C4orf51: variants seen among roughly 807,000 people sequenced by gnomAD.
The protein encoded by C4orf51 is uncharacterized protein C4orf51.
C4orf51 carries 25 observed loss-of-function variants against 25.2 expected under a neutral mutation model. The ratio of observed to expected loss-of-function variants is 0.99; its 90% CI spans 0.72 to 1.39. The LOEUF (loss-of-function observed/expected upper bound fraction) is 1.39, where lower values mean the gene tolerates loss of function less well. C4orf51 is among the 40% of genes most tolerant of loss of function. The pLI, the probability that C4orf51 is intolerant of heterozygous loss-of-function variation, is 0.00. For missense variants in C4orf51, 252 were observed against 239.6 expected (o/e 1.05, Z -0.34); for synonymous variants, 100 against 84.5 (o/e 1.18, Z -1.01).
At chr4:145,696,942 CAGG>C (rs1402172989) in intron 2 of C4orf51, among the ~76,000 whole-genome samples, 3 of 151,770 alleles carry the variant, frequency 2.0e-5, no homozygotes, top group Non-Finnish European at 1.5e-5. Flanking sequence ...AAGGATGAGG[CAGG>C]AGAATTGCTT....
chr4:145,732,433 A>G lies in C4orf51; in HGVS notation c.502-20A>G. Reference sequence around the variant, plus strand: ...CTTTGCGGATGAGCGAGTGTTGACAACCAGGCCATTTTTCTCCAGCTTCAT... The same window carrying G: ...CTTTGCGGATGAGCGAGTGTTGACAGCCAGGCCATTTTTCTCCAGCTTCAT... On this transcript the variant is annotated intron_variant, in intron 5 of 5. Coordinates refer to ENST00000438731, the MANE Select transcript of C4orf51 (RefSeq NM_001080531.3). 2 of 1,558,566 alleles carry G rather than the reference A, an allele frequency of 1.3e-6. No homozygotes were observed. The highest frequency in any genetic ancestry group is 1.8e-6 in the Non-Finnish European group (2 of 1,134,234).
chr4:145,735,284 C>T (rs576106076), downstream of C4orf51, among the ~76,000 whole-genome samples: 130 of 152,222 alleles, frequency 8.5e-4, no homozygotes, highest in Non-Finnish European at 8.1e-4. Context: ...CCATTCCTCA[C>T]GCAATCTGGA....
chr4:145,688,900 AAAC>A (rs923853447), intron 1 of C4orf51, among the ~76,000 whole-genome samples: 102 of 152,036 alleles, frequency 6.7e-4, no homozygotes, highest in Non-Finnish European at 1.3e-3. Context: ...ACAAACAAAC[AAAC>A]AACAACAACA....
At chr4:145,711,005 G>A (rs553910410) in intron 2 of C4orf51, among the ~76,000 whole-genome samples, 14 of 152,188 alleles carry the variant, frequency 9.2e-5, no homozygotes, top group South Asian at 4.1e-4. Flanking sequence ...TCTTTCCCCC[G>A]AATTTATAAG....
intron 2 of C4orf51, among the ~76,000 whole-genome samples, chr4:145,726,563 G>A (rs1424983319): frequency 6.6e-6 from 1 of 152,012 alleles, no homozygotes; most frequent in Non-Finnish European, 1.5e-5. Flanking sequence ...ATCACACCCA[G>A]CTAATTTTTA....
chr4:145,722,743 G>A (rs1378169613), intron 2 of C4orf51, among the ~76,000 whole-genome samples: 1 of 152,174 alleles, frequency 6.6e-6, no homozygotes, highest in Non-Finnish European at 1.5e-5. Flanking sequence ...TGGGGAGCAA[G>A]CAATGCTTCA....
intron 5 of C4orf51, among the ~76,000 whole-genome samples, chr4:145,731,284 T>C (rs909020178): frequency 6.6e-6 from 1 of 152,202 alleles, no homozygotes; most frequent in African/African-American, 2.4e-5. Flanking sequence ...GCAGCTGTTC[T>C]GGGGAACAGC....
At chr4:145,758,130 G>A (rs1212594624), downstream of C4orf51, 3 of 152,046 alleles carry the variant, frequency 2.0e-5, no homozygotes, top group Admixed American at 2.0e-4. Flanking sequence ...AATATAAAAA[G>A]TCAAACAAAC....
chr4:145,700,585 A>G (rs1234532407), intron 2 of C4orf51, among the ~76,000 whole-genome samples: 1 of 152,134 alleles, frequency 6.6e-6, no homozygotes, highest in Non-Finnish European at 1.5e-5. Context: ...AGATCTGAAT[A>G]ATTCTTGTCG....
In C4orf51 at chr4:145,746,166, G is replaced by A. The variant is rs113537058; in HGVS notation, n.168-8041G>A. Among the ~76,000 whole-genome samples, 240 of 139,732 alleles carry A rather than the reference G, an allele frequency of 1.7e-3. 1 individual carries two copies. The highest frequency in any genetic ancestry group is 5.7e-3 in the African/African-American group (227 of 39,846). The allele number at this position is 139,732 out of a possible 152,430, so 91.7% of individuals were successfully genotyped here. ...TTGCAAATGTTTTCTCCCATTCTGT[G>A]GGTTATCTCTTCACTTTGTTTGTTT... On this transcript the variant is annotated intron_variant and non_coding_transcript_variant, in intron 1 of 1. Coordinates refer to the C4orf51 transcript ENST00000508981.
At chr4:145,771,878 A>T (rs969682417), downstream of C4orf51, among the ~76,000 whole-genome samples, 1 of 152,234 alleles carries the variant, frequency 6.6e-6, no homozygotes, top group Non-Finnish European at 1.5e-5. Flanking sequence ...AAGACAGGAA[A>T]ATCAAATTAG....
chr4:145,683,014 T>A (rs1023035525), intron 1 of C4orf51, among the ~76,000 whole-genome samples: 29 of 151,374 alleles, frequency 1.9e-4, no homozygotes, highest in East Asian at 3.9e-4. Context: ...TAAAAAAATT[T>A]TAAAAAAAAA....
chr4:145,766,780 C>A (rs1439333787), intron 1 of C4orf51, among the ~76,000 whole-genome samples: 1 of 152,116 alleles, frequency 6.6e-6, no homozygotes, highest in African/African-American at 2.4e-5. Context: ...AGAAATAATG[C>A]CTGTTTCCAC....
intron 1 of C4orf51, among the ~76,000 whole-genome samples, chr4:145,688,656 A>G (rs1023649314): frequency 6.6e-6 from 1 of 152,184 alleles, no homozygotes; most frequent in Non-Finnish European, 1.5e-5. Flanking sequence ...TGGAACTGTG[A>G]GTCAATTAAA....
intron 2 of C4orf51, among the ~76,000 whole-genome samples, chr4:145,700,829 C>G (rs2126702975): frequency 6.6e-6 from 1 of 152,286 alleles, no homozygotes; most frequent in South Asian, 2.1e-4. Context: ...TCCTCAGCCT[C>G]CACTCCTCCA....
At chr4:145,759,534 A>G (rs1034353891) in intron 1 of C4orf51, 1 of 152,214 alleles carries the variant, frequency 6.6e-6, no homozygotes, top group African/African-American at 2.4e-5. Flanking sequence ...TCGGCAAAAC[A>G]CAATGGAAAC....
intron 4 of C4orf51, among the ~76,000 whole-genome samples, chr4:145,729,468 A>ATTT (rs536020270): frequency 1.5e-3 from 234 of 151,114 alleles, no homozygotes; most frequent in African/African-American, 5.5e-3. Flanking sequence ...CACCCGGCTA[A>ATTT]TTTTTTGTAT....
At chr4:145,751,300 A>G (rs909625372) in intron 1 of C4orf51, among the ~76,000 whole-genome samples, 4 of 152,032 alleles carry the variant, frequency 2.6e-5, no homozygotes, top group Non-Finnish European at 5.9e-5. Context: ...AGGCTTTCCA[A>G]TTCTTTGAAG....
At chr4:145,700,473 T>C (rs978048961) in intron 2 of C4orf51, among the ~76,000 whole-genome samples, 1 of 152,300 alleles carries the variant, frequency 6.6e-6, no homozygotes, top group East Asian at 1.9e-4. Context: ...ACCTAAAATC[T>C]AAGTGTCTTA....
Sources: gnomAD v4.1 joint callset for allele counts (sites outside exome capture counted in the v4.1 genomes callset) on GRCh38, gnomAD v4.1.1 for gene constraint, MANE v1.5 for transcripts, NCBI Gene and HGNC (gene_info 2026-07-23, HGNC 2026-07-21) for gene names.